Variants in SLC22A23 observed in about 807,000 individuals in gnomAD.
The protein encoded by SLC22A23 is ion transporter protein.
Under a neutral mutation model 61.0 loss-of-function variants are expected in SLC22A23, and 26 were observed. That is an observed-to-expected ratio of 0.43 (90% CI 0.31 to 0.59). SLC22A23 has a LOEUF of 0.59. SLC22A23 is among the 20% of genes least tolerant of loss of function. The pLI is 0.11. For synonymous variants in SLC22A23, 430 were observed against 413.9 expected, an observed-to-expected ratio of 1.04 and a Z score of -0.47; for missense variants, 796 against 934.7, an observed-to-expected ratio of 0.85 and a Z score of 1.94.
intron 3 of SLC22A23, among the ~76,000 whole-genome samples, chr6:3,334,963 T>G (rs2127414311): frequency 6.6e-6 from 1 of 152,340 alleles, no homozygotes; most frequent in Admixed American, 6.5e-5. Context: ...CATATTGCCT[T>G]TGGAGAATAC....
At chr6:3,273,854 A>G (rs1048664642) in intron 9 of SLC22A23, among the ~76,000 whole-genome samples, 1 of 152,234 alleles carries the variant, frequency 6.6e-6, no homozygotes, top group Non-Finnish European at 1.5e-5. Context: ...TAAAGAGGGT[A>G]CTAAGGACAT....
chr6:3,353,057 T>G (rs1764871909), intron 3 of SLC22A23, among the ~76,000 whole-genome samples: 1 of 152,240 alleles, frequency 6.6e-6, no homozygotes, highest in Non-Finnish European at 1.5e-5. Context: ...TTTTACCCTG[T>G]TCTTCAGCAA....
At chr6:3,449,991 A>G (rs1290383578) in intron 1 of SLC22A23, among the ~76,000 whole-genome samples, 1 of 152,228 alleles carries the variant, frequency 6.6e-6, no homozygotes, top group Non-Finnish European at 1.5e-5. Context: ...CTATGTACTG[A>G]TGTATTCATC....
intron 1 of SLC22A23, among the ~76,000 whole-genome samples, chr6:3,446,640 T>C (rs1771908944): frequency 6.6e-6 from 1 of 152,124 alleles, no homozygotes; most frequent in Non-Finnish European, 1.5e-5. Context: ...CCACTATTCA[T>C]CCCCAGAACC....
chr6:3,326,360 T>C (rs1177749297), intron 3 of SLC22A23, among the ~76,000 whole-genome samples: 1 of 152,236 alleles, frequency 6.6e-6, no homozygotes, highest in Admixed American at 6.5e-5. Flanking sequence ...CGGTATCGCA[T>C]GCGATCACAT....
chr6:3,383,514 G>A (rs550804020), intron 3 of SLC22A23, among the ~76,000 whole-genome samples: 1 of 152,358 alleles, frequency 6.6e-6, no homozygotes, highest in African/African-American at 2.4e-5. Context: ...TGAACACAGA[G>A]TCAGTGTGAC....
rs1322924536 is a variant in SLC22A23, at chr6:3,322,868, T to C, written c.1082+966A>G. On this transcript the variant is annotated intron_variant, in intron 4 of 9. Transcript: ENST00000406686. The surrounding 1 kb of genome is among the most constrained non-coding windows in gnomAD (Gnocchi z 4.1). Reference sequence around the variant, plus strand: ...TTCATTGTTGACTAAATAGTAGCAATACAGGGCCACATCCATGATCTACTT... The same window carrying C: ...TTCATTGTTGACTAAATAGTAGCAACACAGGGCCACATCCATGATCTACTT... Among the ~76,000 whole-genome samples, 1 of 152,098 alleles carries C rather than the reference T, an allele frequency of 6.6e-6. No individual in the cohort carries two copies. The highest frequency in any genetic ancestry group is 1.5e-5 in the Non-Finnish European group (1 of 68,018).
chr6:3,456,257 C>A lies in SLC22A23; in HGVS notation c.303G>T (p.Leu101=). 6.4e-7 allele frequency: 1 copy of A among 1,551,400 alleles called. No homozygotes were observed. The highest frequency in any genetic ancestry group is 2.0e-5 in the Admixed American group (1 of 51,002). The change falls in exon 1 of 10, where the codon CTG becomes CTT. Residue 101 remains leucine (L), a synonymous_variant. Coordinates refer to ENST00000406686, the MANE Select transcript of SLC22A23 (RefSeq NM_015482.2). The surrounding 1 kb of genome is among the most constrained non-coding windows in gnomAD (Gnocchi z 7.1). ...TGAACAGCGCCGGGATCCAGGTGAG[C>A]AGCACGAGGGTCTTCTGATAGCCCC... The part of the protein sequence containing the change: ...LGGGYQKTLV[L]LTWIPALFIG...
intron 9 of SLC22A23, 100 bp downstream of exon 9, chr6:3,283,752 A>T: frequency 1.3e-6 from 2 of 1,568,996 alleles, no homozygotes; most frequent in Non-Finnish European, 1.7e-6. Context: ...AGAGCCAGAG[A>T]CAGAGCTGAC....
chr6:3,285,296 A>G (rs1412842846), intron 7 of SLC22A23, among the ~76,000 whole-genome samples, 185 bp from the exon 8 acceptor site: 1 of 152,204 alleles, frequency 6.6e-6, no homozygotes, highest in Non-Finnish European at 1.5e-5. Flanking sequence ...GCGCTAAACA[A>G]AGATCTTTTT....
rs1164783622 is a variant in SLC22A23, at chr6:3,418,114, T to G, written c.655-2259A>C. Among the ~76,000 whole-genome samples, 6 of 152,298 alleles carry G rather than the reference T, an allele frequency of 3.9e-5. No homozygotes were observed. The East Asian group carries it at 1.2e-3, about 29-fold the overall frequency. On this transcript the variant is annotated intron_variant, in intron 1 of 9. Transcript: ENST00000406686. ...TGGGAGAGGAGGTGCTCTCAACACC[T>G]GTAACCACTCATCTCCCAGTTGCAT...
intron 3 of SLC22A23, among the ~76,000 whole-genome samples, chr6:3,341,088 C>T (rs1036015293): frequency 6.6e-6 from 1 of 152,162 alleles, no homozygotes; most frequent in African/African-American, 2.4e-5. Flanking sequence ...GAAGGACACA[C>T]ATTCGGAACA....
intron 1 of SLC22A23, among the ~76,000 whole-genome samples, chr6:3,448,265 G>T (rs767120496): frequency 6.6e-6 from 1 of 151,868 alleles, no homozygotes; most frequent in African/African-American, 2.4e-5. Context: ...TTAACAACCG[G>T]CTCTATGAAG....
chr6:3,306,419 G>C (rs1761979633), intron 4 of SLC22A23, among the ~76,000 whole-genome samples: 1 of 152,230 alleles, frequency 6.6e-6, no homozygotes, highest in Admixed American at 6.5e-5. Context: ...TGTGGAACAG[G>C]AAGTTTCTAA....
intron 3 of SLC22A23, among the ~76,000 whole-genome samples, chr6:3,402,509 C>T (rs1470022489): frequency 1.4e-5 from 2 of 147,594 alleles, no homozygotes; most frequent in Non-Finnish European, 3.0e-5. Flanking sequence ...CCCAGCCAAC[C>T]CCAATCATCC....
intron 3 of SLC22A23, among the ~76,000 whole-genome samples, chr6:3,334,666 C>T (rs1763753028): frequency 6.6e-6 from 1 of 152,236 alleles, no homozygotes; most frequent in Admixed American, 6.5e-5. Context: ...AAATGCTAGG[C>T]AGATAAGGAA....
chr6:3,334,812 C>G (rs541832973), intron 3 of SLC22A23, among the ~76,000 whole-genome samples: 1 of 152,346 alleles, frequency 6.6e-6, no homozygotes, highest in South Asian at 2.1e-4. Context: ...GGGTCAGGGA[C>G]TGACTGCACA....
chr6:3,358,065 T>G (rs983605790), intron 3 of SLC22A23, among the ~76,000 whole-genome samples: 1 of 152,188 alleles, frequency 6.6e-6, no homozygotes, highest in African/African-American at 2.4e-5. Flanking sequence ...GGTTAGGTTC[T>G]CAGTATCAAA....
chr6:3,316,512 T>C (rs9378784), intron 4 of SLC22A23, among the ~76,000 whole-genome samples: 49,578 of 152,192 alleles, frequency 0.33, 8,721 homozygotes, highest in East Asian at 0.59. Flanking sequence ...CGGGACTGTC[T>C]GCCTTGCTTA....
Sources: allele counts gnomAD v4.1 joint callset (sites outside exome capture counted in the v4.1 genomes callset), GRCh38; gene constraint gnomAD v4.1.1; non-coding constraint Gnocchi (gnomAD v3.1); transcripts MANE v1.5; gene names NCBI Gene and HGNC (gene_info 2026-07-23, HGNC 2026-07-21).